The following UBXN7 variants were observed in gnomAD, a reference collection of about 807,000 sequenced individuals.
UBXN7 encodes UBX domain-containing protein 7.
A neutral mutation model predicts 58.0 loss-of-function variants in UBXN7; 9 were observed. That is an observed-to-expected ratio of 0.16 (90% CI 0.09 to 0.27). The LOEUF (loss-of-function observed/expected upper bound fraction) is 0.27. UBXN7 is among the 10% of genes least tolerant of loss of function. UBXN7 has a pLI of 1.00. For synonymous variants in UBXN7, 208 were observed against 205.0 expected (o/e 1.01, Z -0.12); for missense variants, 328 against 599.6 (o/e 0.55, Z 4.73).
At position 196,387,165 on chromosome 3, in the gene UBXN7, C is replaced by T. The variant is rs543831610; in HGVS notation, c.468+4648G>A. On this transcript the variant is annotated intron_variant, in intron 5 of 10. Coordinates refer to ENST00000296328, the MANE Select transcript of UBXN7 (RefSeq NM_015562.2). ...TACAACCATCTGATCTTTGACAAAC[C>T]TGACAAAAACAAGAAATGGGGAAAG... Among the ~76,000 whole-genome samples, 150 of 152,188 alleles carry T rather than the reference C, an allele frequency of 9.9e-4. 1 individual carries two copies. The East Asian group carries it at 0.025, about 25-fold the overall frequency.
rs1728163775 is a variant in UBXN7, at chr3:196,349,516, A to G, written c.*7169T>C. On this transcript the variant is annotated 3_prime_UTR_variant, in exon 11 of 11. Coordinates refer to ENST00000296328, the MANE Select transcript of UBXN7 (RefSeq NM_015562.2). ...AAGAATGCAAAGCTTTGAGAAAAGCATACTGTAAAATCATGTTGCTGCAAA... is the reference window on the plus strand; with the variant it reads ...AAGAATGCAAAGCTTTGAGAAAAGCGTACTGTAAAATCATGTTGCTGCAAA... The G allele has an allele frequency of 6.6e-6, 1 of 152,232 alleles. No homozygotes were observed. Among genetic ancestry groups the G allele is most frequent in the Admixed American group, 6.5e-5 (1 of 15,286 alleles). 9.4% of individuals were successfully genotyped at this position (152,232 alleles called of 1,614,324 possible). A position where few individuals can be genotyped will look rare whatever the true frequency, so the allele number is the denominator to read the frequency against.
intron 1 of UBXN7, among the ~76,000 whole-genome samples, chr3:196,414,863 G>C (rs1391829196): frequency 3.9e-5 from 6 of 151,946 alleles, no homozygotes; most frequent in Admixed American, 3.9e-4. Flanking sequence ...TTAAGTTGTA[G>C]TATATACAAA....
intron 8 of UBXN7, among the ~76,000 whole-genome samples, chr3:196,364,589 TA>T (rs1021921085): frequency 4.8e-4 from 68 of 142,706 alleles, no homozygotes; most frequent in African/African-American, 6.1e-4. Flanking sequence ...AATAAATAGG[TA>T]AAAAAAAAAA....
At chr3:196,374,973 G>GGGAAGGAAGGAA (rs1413657178) in intron 5 of UBXN7, among the ~76,000 whole-genome samples, 1,262 of 28,350 alleles carry the variant, frequency 0.045, 131 homozygotes, top group Non-Finnish European at 0.062. Flanking sequence ...AAAGGAAGGA[G>GGGAAGGAAGGAA]GGAAGGAAGG....
intron 3 of UBXN7, among the ~76,000 whole-genome samples, chr3:196,397,194 C>A (rs1204282868): frequency 6.6e-6 from 1 of 152,126 alleles, no homozygotes; most frequent in Non-Finnish European, 1.5e-5. Flanking sequence ...ACTCTACTGC[C>A]CACATAATAG....
intron 1 of UBXN7, among the ~76,000 whole-genome samples, chr3:196,419,382 C>T (rs984330116): frequency 1.3e-5 from 2 of 152,234 alleles, no homozygotes; most frequent in Middle Eastern, 3.4e-3. Flanking sequence ...ACTGCAAGAG[C>T]GTTCCAAAGA....
intron 5 of UBXN7, among the ~76,000 whole-genome samples, chr3:196,376,289 T>A (rs1162576549): frequency 3.3e-5 from 5 of 151,980 alleles, no homozygotes; most frequent in East Asian, 1.9e-4. Flanking sequence ...TTGCCTGTAA[T>A]CACAGCACTT....
chr3:196,412,435 A>T (rs1306337621), intron 1 of UBXN7, among the ~76,000 whole-genome samples: 1 of 152,060 alleles, frequency 6.6e-6, no homozygotes, highest in African/African-American at 2.4e-5. Context: ...AAAAATAACA[A>T]GTGTGGGTGA....
At chr3:196,405,647 A>G (rs2108854374) in intron 2 of UBXN7, among the ~76,000 whole-genome samples, 1 of 152,264 alleles carries the variant, frequency 6.6e-6, no homozygotes, top group East Asian at 1.9e-4. Context: ...ATCTGATGAA[A>G]TGCATCAATT....
chr3:196,427,057 CT>C (rs2108627944), intron 1 of UBXN7, among the ~76,000 whole-genome samples: 1 of 152,296 alleles, frequency 6.6e-6, no homozygotes, highest in South Asian at 2.1e-4. Context: ...ACCTCTTGTA[CT>C]CTTCTTAGCC....
intron 2 of UBXN7, among the ~76,000 whole-genome samples, chr3:196,403,780 T>C (rs561760450): frequency 6.6e-6 from 1 of 152,334 alleles, no homozygotes; most frequent in Admixed American, 6.5e-5. Context: ...AGGTATGATC[T>C]TGGATTATTT....
chr3:196,419,412 G>A (rs1312671746), intron 1 of UBXN7, among the ~76,000 whole-genome samples: 1 of 152,192 alleles, frequency 6.6e-6, no homozygotes, highest in East Asian at 1.9e-4. Flanking sequence ...TACACATGCA[G>A]ATTTTTTAAA....
intron 5 of UBXN7, among the ~76,000 whole-genome samples, chr3:196,385,839 G>A (rs895957755): frequency 2.0e-5 from 3 of 151,720 alleles, no homozygotes; most frequent in Non-Finnish European, 2.9e-5. Flanking sequence ...TGGGAAGTGA[G>A]GAGCCCCTCT....
intron 3 of UBXN7, chr3:196,400,657 T>C: frequency 3.7e-6 from 1 of 267,134 alleles, no homozygotes; most frequent in Non-Finnish European, 7.5e-6. Context: ...GGAGGAATCC[T>C]TGAGCCCAGG....
chr3:196,431,213 T>C (rs1351770384), intron 1 of UBXN7, among the ~76,000 whole-genome samples: 3 of 152,200 alleles, frequency 2.0e-5, no homozygotes, highest in African/African-American at 7.2e-5. Flanking sequence ...AGATAAAGTA[T>C]AGATCCGTTG....
At chr3:196,385,337 G>A (rs1240644074) in intron 5 of UBXN7, among the ~76,000 whole-genome samples, 1 of 152,212 alleles carries the variant, frequency 6.6e-6, no homozygotes, top group Non-Finnish European at 1.5e-5. Context: ...GCAGTGGCGT[G>A]ATCTCGGCTC....
chr3:196,401,320 C>CATAT (rs34621144), intron 3 of UBXN7, among the ~76,000 whole-genome samples: 4 of 72,478 alleles, frequency 5.5e-5, no homozygotes, highest in African/African-American at 1.1e-4. Flanking sequence ...CACACACACA[C>CATAT]ATATATATAT....
At chr3:196,417,724 T>TAAA (rs749981900) in intron 1 of UBXN7, among the ~76,000 whole-genome samples, 9 of 31,670 alleles carry the variant, frequency 2.8e-4, no homozygotes, top group African/African-American at 6.2e-4. Flanking sequence ...GCAAAATGGT[T>TAAA]AAAAAAAAAA....
At chr3:196,420,830 G>A (rs968642806) in intron 1 of UBXN7, among the ~76,000 whole-genome samples, 31 of 152,080 alleles carry the variant, frequency 2.0e-4, no homozygotes, top group African/African-American at 7.5e-4. Flanking sequence ...AATGCACATT[G>A]TCTACACTAC....
Sources: allele counts gnomAD v4.1 joint callset (sites outside exome capture counted in the v4.1 genomes callset), GRCh38; gene constraint gnomAD v4.1.1; transcripts MANE v1.5; gene names NCBI Gene and HGNC (gene_info 2026-07-23, HGNC 2026-07-21).